IL1RAPL1: variants seen among roughly 807,000 people sequenced by gnomAD.
IL1RAPL1 encodes interleukin-1 receptor accessory protein-like 1.
Under a neutral mutation model 48.4 loss-of-function variants are expected in IL1RAPL1, and 3 were observed. That is an observed-to-expected ratio of 0.06 (90% confidence interval 0.03 to 0.16). IL1RAPL1 has a LOEUF of 0.16. Among genes scored for constraint, IL1RAPL1 ranks in the 10% least tolerant of loss-of-function variants. The pLI, the probability that IL1RAPL1 is intolerant of heterozygous loss-of-function variation, is 1.00. For synonymous variants in IL1RAPL1, 185 were observed against 187.7 expected, an observed-to-expected ratio of 0.99 and a Z score of 0.12; for missense variants, 349 against 530.6, an observed-to-expected ratio of 0.66 and a Z score of 3.36.
chrX:29,167,826 T>C (rs1440468373), intron 2 of IL1RAPL1, among the ~76,000 whole-genome samples: 1 of 110,539 alleles, frequency 9.0e-6, no homozygotes, highest in Non-Finnish European at 1.9e-5. Flanking sequence ...GCTTACTTAC[T>C]GGCCAACACC....
intron 5 of IL1RAPL1, among the ~76,000 whole-genome samples, chrX:29,405,360 C>A (rs777235515): frequency 4.0e-5 from 4 of 99,470 alleles, no homozygotes; most frequent in East Asian, 2.9e-4. Context: ...TCTCTGTGTT[C>A]TTTATTTATT....
At chrX:29,792,683 C>T (rs1357467669) in intron 6 of IL1RAPL1, among the ~76,000 whole-genome samples, 2 of 110,955 alleles carry the variant, frequency 1.8e-5, no homozygotes, top group Non-Finnish European at 3.8e-5. Flanking sequence ...CTTGTAAGGC[C>T]GGTGTTAGTC....
At chrX:29,231,820 C>T (rs1438935394) in intron 2 of IL1RAPL1, among the ~76,000 whole-genome samples, 1 of 112,098 alleles carries the variant, frequency 8.9e-6, no homozygotes, top group Non-Finnish European at 1.9e-5. Flanking sequence ...CATTTTCTAA[C>T]TCTGCTAAAC....
intron 6 of IL1RAPL1, among the ~76,000 whole-genome samples, chrX:29,910,484 T>A (rs1932745965): frequency 8.9e-6 from 1 of 112,117 alleles, no homozygotes; most frequent in Admixed American, 9.5e-5. Flanking sequence ...TGTTTACTTT[T>A]AAATATTTGG....
At chrX:29,234,340 T>C (rs1030823063) in intron 2 of IL1RAPL1, among the ~76,000 whole-genome samples, 2 of 111,922 alleles carry the variant, frequency 1.8e-5, no homozygotes, top group Non-Finnish European at 3.8e-5. Flanking sequence ...ATCAGTGCAG[T>C]AACCTTCAAA....
chrX:28,646,932 T>G, intron 1 of IL1RAPL1, among the ~76,000 whole-genome samples: 1 of 112,335 alleles, frequency 8.9e-6, no homozygotes, highest in African/African-American at 3.2e-5. Context: ...AGTTCCCCAG[T>G]AGCCTTGAAA....
chrX:29,321,554 GTGTGTGTA>G (rs1429257222), intron 3 of IL1RAPL1, among the ~76,000 whole-genome samples: 2 of 111,981 alleles, frequency 1.8e-5, no homozygotes, highest in Non-Finnish European at 3.8e-5. Context: ...AAATATATGT[GTGTGTGTA>G]TGTGTGTAGT....
chrX:29,035,818 C>T (rs917392540), intron 2 of IL1RAPL1, among the ~76,000 whole-genome samples: 1 of 112,097 alleles, frequency 8.9e-6, no homozygotes, highest in Non-Finnish European at 1.9e-5. Flanking sequence ...AAAGGTTGTT[C>T]TTAAATATTT....
intron 6 of IL1RAPL1, among the ~76,000 whole-genome samples, chrX:29,911,699 A>T (rs1369825100): frequency 3.6e-5 from 4 of 111,859 alleles, no homozygotes; most frequent in Non-Finnish European, 7.5e-5. Context: ...TTAGTAGGAG[A>T]ATATTTTCTT....
intron 1 of IL1RAPL1, among the ~76,000 whole-genome samples, chrX:28,639,739 A>G (rs1601843130): frequency 8.9e-6 from 1 of 111,990 alleles, no homozygotes; most frequent in Middle Eastern, 4.6e-3. Context: ...ACTCAGTCTG[A>G]TCCTGTGGTG....
chrX:29,337,818 G>T (rs1178635902), intron 3 of IL1RAPL1, among the ~76,000 whole-genome samples: 2 of 110,054 alleles, frequency 1.8e-5, no homozygotes, highest in Admixed American at 2.0e-4. Flanking sequence ...TGGATTACAG[G>T]TGCCCGTCAC....
At chrX:29,899,545 A>ATT (rs369479445) in intron 6 of IL1RAPL1, among the ~76,000 whole-genome samples, 1 of 99,518 alleles carries the variant, frequency 1.0e-5, no homozygotes, top group Non-Finnish European at 2.1e-5. Flanking sequence ...ACAGTGAATA[A>ATT]TTTTTTTTTT....
intron 2 of IL1RAPL1, among the ~76,000 whole-genome samples, chrX:29,178,032 T>C (rs1383447007): frequency 1.8e-5 from 2 of 111,856 alleles, no homozygotes; most frequent in African/African-American, 6.5e-5. Context: ...TTTGCTATTG[T>C]GAATAGTGTT....
At chrX:28,899,790 CTCAGTGGG>C (rs1306367812) in intron 2 of IL1RAPL1, among the ~76,000 whole-genome samples, 1 of 111,619 alleles carries the variant, frequency 9.0e-6, no homozygotes, top group Non-Finnish European at 1.9e-5. Context: ...TTGTAGAGGG[CTCAGTGGG>C]TCAGTGGCAG....
At chrX:28,593,158 A>G (rs1933921756) in intron 1 of IL1RAPL1, among the ~76,000 whole-genome samples, 1 of 111,589 alleles carries the variant, frequency 9.0e-6, no homozygotes, top group South Asian at 3.7e-4. Context: ...TATCCTGACC[A>G]TTGGTTTACT....
intron 1 of IL1RAPL1, among the ~76,000 whole-genome samples, chrX:28,602,068 G>GCACT (rs1481044304): frequency 9.9e-6 from 1 of 100,769 alleles, no homozygotes; most frequent in Non-Finnish European, 2.0e-5. Flanking sequence ...TTGCACCACT[G>GCACT]CACTCCAGCC....
intron 1 of IL1RAPL1, among the ~76,000 whole-genome samples, chrX:28,633,765 T>C (rs1301347372): frequency 8.9e-6 from 1 of 112,340 alleles, no homozygotes; most frequent in Non-Finnish European, 1.9e-5. Context: ...GCCAACTGTA[T>C]TGAACATTTA....
At chrX:29,029,917 T>C (rs1384638703) in intron 2 of IL1RAPL1, among the ~76,000 whole-genome samples, 1 of 110,096 alleles carries the variant, frequency 9.1e-6, no homozygotes, top group African/African-American at 3.3e-5. Flanking sequence ...TTTTCATGAA[T>C]GGTATAAAGT....
intron 2 of IL1RAPL1, among the ~76,000 whole-genome samples, chrX:29,035,157 G>C (rs956502329): frequency 9.0e-6 from 1 of 111,649 alleles, no homozygotes; most frequent in African/African-American, 3.3e-5. Flanking sequence ...GTTTCACCGT[G>C]TTAGCCAGGT....
Sources: allele counts gnomAD v4.1 joint callset (sites outside exome capture counted in the v4.1 genomes callset), GRCh38; gene constraint gnomAD v4.1.1; transcripts MANE v1.5; gene names NCBI Gene and HGNC (gene_info 2026-07-23, HGNC 2026-07-21).